The following KCTD2 variants were observed in gnomAD, a reference collection of about 807,000 sequenced individuals.
KCTD2 encodes potassium channel tetramerization domain containing 2.
Under a neutral mutation model 27.9 loss-of-function variants are expected in KCTD2, and 18 were observed. The observed-to-expected ratio is 0.64, with a 90% CI of 0.45 to 0.96. KCTD2 has a LOEUF of 0.96. KCTD2 is among the 40% of genes least tolerant of loss of function. The pLI, the probability that KCTD2 is intolerant of heterozygous loss-of-function variation, is 0.00. For synonymous variants in KCTD2, 175 were observed against 148.4 expected (o/e 1.18, Z -1.30); for missense variants, 280 against 348.0 (o/e 0.80, Z 1.56).
chr17:75,048,048 C>T (rs1027371594), intron 1 of KCTD2, among the ~76,000 whole-genome samples: 1 of 152,222 alleles, frequency 6.6e-6, no homozygotes, highest in Non-Finnish European at 1.5e-5. Context: ...CCAAGTTGGG[C>T]TTCCACAGCT....
intron 1 of KCTD2, among the ~76,000 whole-genome samples, chr17:75,047,837 T>G (rs1015585085): frequency 5.3e-5 from 8 of 152,032 alleles, no homozygotes; most frequent in African/African-American, 1.9e-4. Context: ...CTTCCCACAC[T>G]GCGCCCACCT....
intron 3 of KCTD2, among the ~76,000 whole-genome samples, chr17:75,055,900 G>A (rs1335766837): frequency 4.1e-5 from 6 of 144,922 alleles, no homozygotes; most frequent in African/African-American, 1.0e-4. Flanking sequence ...GTGTGGTAGC[G>A]GGCGCCTATA....
At chr17:75,034,522 C>A (rs2040096253) in intron 2 of KCTD2, among the ~76,000 whole-genome samples, 1 of 152,154 alleles carries the variant, frequency 6.6e-6, no homozygotes, top group African/African-American at 2.4e-5. Context: ...ACGCTAAACC[C>A]ACGTGCTCCT....
intron 5 of KCTD2, among the ~76,000 whole-genome samples, chr17:75,062,527 G>C (rs1041806503): frequency 2.6e-5 from 4 of 152,006 alleles, no homozygotes; most frequent in South Asian, 2.1e-4. Context: ...AATTACTACA[G>C]GGTAGGATTT....
In KCTD2 at chr17:75,062,137, T is replaced by G; in HGVS notation, c.654T>G (p.Ser218=). 6.2e-7 allele frequency: 1 copy of G among 1,614,080 alleles called. No homozygotes were observed. The change falls in exon 5 of 6, where the codon TCT becomes TCG. Residue 218 remains serine, a synonymous_variant. Transcript: ENST00000322444. ...TTCATCAGCTCATCAGCATCGGATC[T>G]TCCTATAACTACGGCAATGAGGATC... ...WKFEQLISIG[S]SYNYGNEDQA...
intron 3 of KCTD2, chr17:75,039,337 T>C (rs1460082779): frequency 3.4e-6 from 5 of 1,458,540 alleles, no homozygotes; most frequent in Non-Finnish European, 4.8e-6. Context: ...GCTGCTAAGG[T>C]AGGAGTCGTC....
intron 3 of KCTD2, among the ~76,000 whole-genome samples, chr17:75,036,420 C>A (rs2040114701): frequency 6.6e-6 from 1 of 152,206 alleles, no homozygotes. Flanking sequence ...CGCGCCCTGC[C>A]CAATTACCTT....
chr17:75,060,482 G>T, intron 4 of KCTD2: 1 of 1,611,806 alleles, frequency 6.2e-7, no homozygotes, highest in Non-Finnish European at 8.5e-7. Context: ...CAGAAACCAG[G>T]GTTGGAACTA....
chr17:75,038,361 T>G (rs1019252249), intron 3 of KCTD2, among the ~76,000 whole-genome samples: 1 of 152,164 alleles, frequency 6.6e-6, no homozygotes, highest in South Asian at 2.1e-4. Flanking sequence ...CAGGCTGGTC[T>G]CAAACTCCTG....
At position 75,053,858 on chromosome 17, in the gene KCTD2, C is replaced by CTTTTTTTTTT. The variant is rs71159419; in HGVS notation, c.540+770_540+779dup. On this transcript the variant is annotated intron_variant, in intron 3 of 5. Coordinates refer to ENST00000322444, the MANE Select transcript of KCTD2 (RefSeq NM_015353.3). The stretch of plus-strand genomic sequence containing the variant: ...CTTCAGCAGCTGCTTGTGAACCATG[C>CTTTTTTTTTT]TTTTTTTTTTTTTTTTTTTTTTTTT... 4.6e-3 allele frequency among the ~76,000 whole-genome samples: 272 copies of CTTTTTTTTTT among 59,314 alleles called. 73 individuals carry two copies. The highest frequency in any genetic ancestry group is 0.023 in the African/African-American group (240 of 10,342). 38.9% of individuals were successfully genotyped at this position (59,314 alleles called of 152,430 possible).
At chr17:75,053,716 TA>T (rs1462608953) in intron 3 of KCTD2, among the ~76,000 whole-genome samples, 1 of 152,110 alleles carries the variant, frequency 6.6e-6, no homozygotes, top group Non-Finnish European at 1.5e-5. Context: ...GTGCTGGGAT[TA>T]CAGGCGTGAG....
Position 75,063,439 on chromosome 17 carries a change from G to A in KCTD2, c.*392G>A, listed in dbSNP as rs375346302. On this transcript the variant is annotated 3_prime_UTR_variant, in exon 6 of 6. Coordinates refer to ENST00000322444, the MANE Select transcript of KCTD2 (RefSeq NM_015353.3). ...GCCAAGAGGATTGTTCCCGTGCCGT[G>A]CCATGGTTTCACCCTATGTGTGCCA... 182 of 243,820 alleles carry A rather than the reference G, an allele frequency of 7.5e-4. No individual in the cohort carries two copies. The South Asian group carries it at 0.012, about 16-fold the overall frequency. 15.1% of individuals were successfully genotyped at this position (243,820 alleles called of 1,614,324 possible).
chr17:75,039,448 C>A (rs2073136071), intron 3 of KCTD2: 2 of 595,220 alleles, frequency 3.4e-6, no homozygotes, highest in Non-Finnish European at 3.0e-6. Context: ...TCTTAACACT[C>A]ACAGAGAAGC....
intron 2 of KCTD2, among the ~76,000 whole-genome samples, chr17:75,050,997 G>T (rs61695347): frequency 0.041 from 5,884 of 144,170 alleles, 176 homozygotes; most frequent in Middle Eastern, 0.16. Flanking sequence ...TTTTTGAGAC[G>T]GAGTCTTGCT....
Position 75,065,279 on chromosome 17 carries a change from A to G in KCTD2, c.*2232A>G, listed in dbSNP as rs889864369. 1 of 152,176 alleles carries G rather than the reference A, an allele frequency of 6.6e-6. No homozygotes were observed. The highest frequency in any genetic ancestry group is 2.4e-5 in the African/African-American group (1 of 41,430). The allele number at this position is 152,176 out of a possible 1,614,324, so 9.4% of individuals were successfully genotyped here. A position where few individuals can be genotyped will look rare whatever the true frequency, so the allele number is the denominator to read the frequency against. On this transcript the variant is annotated 3_prime_UTR_variant, in exon 6 of 6. Transcript: ENST00000322444. The stretch of plus-strand genomic sequence containing the variant: ...GACACCTGTATTGTTCCAGCGCTCC[A>G]GGACTCTGGGTTCTTAAGATTTCTG...
intron 4 of KCTD2, among the ~76,000 whole-genome samples, chr17:75,061,190 G>A (rs1241885067): frequency 1.3e-5 from 2 of 152,188 alleles, no homozygotes; most frequent in Non-Finnish European, 2.9e-5. Context: ...TTTCAGACAG[G>A]CGGAGGCGCC....
At chr17:75,055,009 T>C (rs1234174308) in intron 3 of KCTD2, among the ~76,000 whole-genome samples, 1 of 152,120 alleles carries the variant, frequency 6.6e-6, no homozygotes, top group African/African-American at 2.4e-5. Flanking sequence ...GTATAATCTA[T>C]TGCAGCACAG....
At chr17:75,057,706 C>T (rs1287273379) in intron 3 of KCTD2, among the ~76,000 whole-genome samples, 1 of 151,734 alleles carries the variant, frequency 6.6e-6, no homozygotes, top group Non-Finnish European at 1.5e-5. Context: ...ATTACAGGCA[C>T]GTGCCACCTC....
At chr17:75,042,635 G>A, upstream of KCTD2, 1 of 1,607,758 alleles carries the variant, frequency 6.2e-7, no homozygotes, top group Non-Finnish European at 8.5e-7. Context: ...TTTAGAGCAA[G>A]TTTTCGCCCA....
Sources: allele counts gnomAD v4.1 joint callset (sites outside exome capture counted in the v4.1 genomes callset), GRCh38; gene constraint gnomAD v4.1.1; transcripts MANE v1.5; gene names NCBI Gene and HGNC (gene_info 2026-07-23, HGNC 2026-07-21).